FGGY: variants seen among roughly 807,000 people sequenced by gnomAD.
FGGY encodes FGGY carbohydrate kinase domain containing.
In FGGY, 72 loss-of-function variants were observed where a neutral mutation model predicts 71.3. The ratio of observed to expected loss-of-function variants is 1.01; its 90% CI spans 0.84 to 1.23. FGGY has a LOEUF of 1.23. Ranked by LOEUF, FGGY falls within the 50% of genes most tolerant of loss-of-function variation. The pLI is 0.00. For synonymous variants in FGGY, 251 were observed against 250.3 expected (o/e 1.00, Z -0.02); for missense variants, 668 against 682.3 (o/e 0.98, Z 0.23).
intron 14 of FGGY, among the ~76,000 whole-genome samples, chr1:59,719,087 C>T (rs1473619442): frequency 6.6e-6 from 1 of 152,204 alleles, no homozygotes; most frequent in Non-Finnish European, 1.5e-5. Context: ...TTGAAAGGGA[C>T]TGGACAGTGT....
At chr1:59,346,620 T>G (rs138345518) in intron 4 of FGGY, among the ~76,000 whole-genome samples, 189 of 152,304 alleles carry the variant, frequency 1.2e-3, no homozygotes, top group African/African-American at 4.5e-3. Flanking sequence ...TTGTACACAT[T>G]ATCTCTTTGA....
At chr1:59,320,112 C>T (rs1290013659) in intron 1 of FGGY, among the ~76,000 whole-genome samples, 3 of 152,124 alleles carry the variant, frequency 2.0e-5, no homozygotes, top group Admixed American at 6.6e-5. Context: ...CTCCTATGAA[C>T]GGAGCAAATG....
At chr1:59,305,453 T>C (rs2043307593) in intron 1 of FGGY, among the ~76,000 whole-genome samples, 1 of 152,216 alleles carries the variant, frequency 6.6e-6, no homozygotes, top group African/African-American at 2.4e-5. Context: ...TGAATTTGGT[T>C]TGCTAGTATT....
chr1:59,741,051 T>A (rs930603235), intron 14 of FGGY, among the ~76,000 whole-genome samples: 3 of 152,252 alleles, frequency 2.0e-5, no homozygotes, highest in Non-Finnish European at 4.4e-5. Context: ...TACACTTTTT[T>A]AAGTGGGTAC....
intron 5 of FGGY, among the ~76,000 whole-genome samples, chr1:59,414,027 G>T (rs992896608): frequency 6.6e-6 from 1 of 152,192 alleles, no homozygotes; most frequent in Non-Finnish European, 1.5e-5. Flanking sequence ...ACAAAAATCT[G>T]CTGGAAAGTA....
intron 14 of FGGY, among the ~76,000 whole-genome samples, chr1:59,735,585 T>C (rs928659508): frequency 1.3e-5 from 2 of 152,190 alleles, no homozygotes; most frequent in African/African-American, 4.8e-5. Flanking sequence ...TGATTACTTC[T>C]CAACCCACCA....
At chr1:59,543,998 C>T (rs747612803) in intron 7 of FGGY, among the ~76,000 whole-genome samples, 2 of 152,206 alleles carry the variant, frequency 1.3e-5, no homozygotes, top group Non-Finnish European at 2.9e-5. Flanking sequence ...AAGGCTCTTG[C>T]CTTATACCTA....
chr1:59,421,064 C>T (rs1402236946), intron 5 of FGGY, among the ~76,000 whole-genome samples: 1 of 151,964 alleles, frequency 6.6e-6, no homozygotes, highest in Non-Finnish European at 1.5e-5. Flanking sequence ...AGATCTCTTT[C>T]TGATGAAGAA....
At chr1:59,691,046 G>T (rs1351501798) in intron 14 of FGGY, among the ~76,000 whole-genome samples, 1 of 152,130 alleles carries the variant, frequency 6.6e-6, no homozygotes, top group Non-Finnish European at 1.5e-5. Context: ...ATCAGATTCT[G>T]GTTTTCAAAA....
chr1:59,756,198 G>A (rs2098289486), intron 14 of FGGY: 1 of 151,970 alleles, frequency 6.6e-6, no homozygotes, highest in South Asian at 2.1e-4. Flanking sequence ...TGGTTTCTTT[G>A]TCAATAATTT....
At chr1:59,469,121 C>T (rs759289648) in intron 6 of FGGY, among the ~76,000 whole-genome samples, 1 of 152,176 alleles carries the variant, frequency 6.6e-6, no homozygotes, top group Non-Finnish European at 1.5e-5. Flanking sequence ...AAGAAGCCAC[C>T]TATACTTGCC....
intron 7 of FGGY, among the ~76,000 whole-genome samples, chr1:59,533,295 C>T (rs956676779): frequency 1.3e-5 from 2 of 152,210 alleles, no homozygotes; most frequent in African/African-American, 2.4e-5. Context: ...GCTTTTCCGA[C>T]GGGCTTAAAA....
At chr1:59,623,334 G>A (rs999924718) in intron 9 of FGGY, among the ~76,000 whole-genome samples, 12 of 151,932 alleles carry the variant, frequency 7.9e-5, no homozygotes, top group East Asian at 1.9e-4. Context: ...GTCTGCCTTC[G>A]CCCTCTTTAT....
chr1:59,336,306 A>G (rs893826052), intron 2 of FGGY, among the ~76,000 whole-genome samples: 5 of 152,092 alleles, frequency 3.3e-5, no homozygotes, highest in African/African-American at 4.8e-5. Flanking sequence ...TACTTCTTAT[A>G]TCTCTGTTCT....
intron 9 of FGGY, among the ~76,000 whole-genome samples, chr1:59,625,266 C>A (rs2096845114): frequency 1.3e-5 from 2 of 152,078 alleles, no homozygotes; most frequent in Non-Finnish European, 2.9e-5. Flanking sequence ...ACATTTCTGT[C>A]CCTGATACAT....
chr1:59,704,080 G>A (rs1325772237), intron 14 of FGGY, among the ~76,000 whole-genome samples: 1 of 152,164 alleles, frequency 6.6e-6, no homozygotes, highest in Admixed American at 6.5e-5. Flanking sequence ...GTTACTCTGA[G>A]TATGTGCGCT....
chr1:59,653,287 CG>C (rs2097184026), intron 11 of FGGY, among the ~76,000 whole-genome samples: 1 of 152,258 alleles, frequency 6.6e-6, no homozygotes, highest in Non-Finnish European at 1.5e-5. Context: ...CCACCCAGTT[CG>C]AGCTTTTGGG....
At chr1:59,630,244 G>A (rs61788914) in intron 10 of FGGY, among the ~76,000 whole-genome samples, 7,704 of 152,130 alleles carry the variant, frequency 0.051, 283 homozygotes, top group Middle Eastern at 0.11. Context: ...GAGGATTATG[G>A]GAACTAAAAT....
chr1:59,394,920 C>G (rs2061147274), intron 5 of FGGY, among the ~76,000 whole-genome samples: 1 of 152,010 alleles, frequency 6.6e-6, no homozygotes, highest in Non-Finnish European at 1.5e-5. Flanking sequence ...CAAACCAGGC[C>G]TTTTCATGTC....
Sources: allele counts gnomAD v4.1 joint callset (sites outside exome capture counted in the v4.1 genomes callset), GRCh38; gene constraint gnomAD v4.1.1; transcripts MANE v1.5; gene names NCBI Gene and HGNC (gene_info 2026-07-23, HGNC 2026-07-21).